SRGAP3: variants seen among roughly 807,000 people sequenced by gnomAD.
The protein encoded by SRGAP3 is SLIT-ROBO Rho GTPase activating protein 3, also known as SLIT-ROBO Rho GTPase-activating protein 3.
SRGAP3 carries 39 observed loss-of-function variants against 121.1 expected under a neutral mutation model. That is an observed-to-expected ratio of 0.32 (90% CI 0.25 to 0.42). The LOEUF is 0.42. Among genes scored for constraint, SRGAP3 ranks in the 10% least tolerant of loss-of-function variants. The pLI, the probability that SRGAP3 is intolerant of heterozygous loss-of-function variation, is 1.00. For synonymous variants in SRGAP3, 601 were observed against 570.0 expected, an observed-to-expected ratio of 1.05 and a Z score of -0.77; for missense variants, 1,213 against 1,470.6, an observed-to-expected ratio of 0.82 and a Z score of 2.86.
At chr3:9,307,976 G>A (rs1215554161) in intron 3 of SRGAP3, among the ~76,000 whole-genome samples, 6 of 152,198 alleles carry the variant, frequency 3.9e-5, no homozygotes, top group African/African-American at 7.2e-5. Context: ...CCAATATGGC[G>A]AAACCCCGTC....
intron 3 of SRGAP3, among the ~76,000 whole-genome samples, chr3:9,277,123 G>A (rs1343771961): frequency 1.3e-5 from 2 of 152,178 alleles, no homozygotes; most frequent in Non-Finnish European, 2.9e-5. Context: ...GTCAATACAT[G>A]TCATAAATGC....
chr3:9,201,152 G>A (rs1037583268), intron 1 of SRGAP3, among the ~76,000 whole-genome samples: 12 of 152,104 alleles, frequency 7.9e-5, no homozygotes, highest in African/African-American at 9.7e-5. Context: ...AGGAAGGCTC[G>A]GTGACAACAG....
At chr3:9,153,374 T>C (rs765603237) in intron 1 of SRGAP3, among the ~76,000 whole-genome samples, 1 of 152,126 alleles carries the variant, frequency 6.6e-6, no homozygotes, top group African/African-American at 2.4e-5. Context: ...AATACTATTA[T>C]CTCCATTTTA....
At chr3:9,077,813 C>T (rs1330866420) in intron 4 of SRGAP3, among the ~76,000 whole-genome samples, 1 of 152,228 alleles carries the variant, frequency 6.6e-6, no homozygotes, top group Middle Eastern at 3.2e-3. Context: ...CTGACCATCA[C>T]CTGGCCTTGT....
intron 1 of SRGAP3, among the ~76,000 whole-genome samples, chr3:9,338,623 G>A (rs1001912976): frequency 6.6e-6 from 1 of 152,154 alleles, no homozygotes; most frequent in African/African-American, 2.4e-5. Context: ...TCAGCCTCAG[G>A]TCTTCTTGAT....
In SRGAP3 at chr3:9,013,372, G is replaced by A. The variant is rs1943467447; in HGVS notation, c.2083C>T (p.Pro695Ser). ...TIIIHHEAIFPSPRELEGPVY... is the reference protein window; with the variant it reads ...TIIIHHEAIFSSPRELEGPVY... The stretch of plus-strand genomic sequence containing the variant: ...GGTCCCTCTAGCTCCCGGGGGCTGG[G>A]GAAGATGGCTTCATGATGGATGATG... The change falls in exon 17 of 22, where the codon CCC becomes TCC. Residue 695 changes from proline (P) to serine (S), a missense_variant. By Grantham distance (74) the Pro-to-Ser change is moderately conservative. This residue lies in a region of SRGAP3 where 793 missense variants were observed against 1,032.9 expected (regional missense o/e 0.77). Coordinates refer to ENST00000383836, the MANE Select transcript of SRGAP3 (RefSeq NM_014850.4). 6.2e-7 allele frequency: 1 copy of A among 1,613,982 alleles called. No individual in the cohort carries two copies.
At chr3:9,148,267 G>A (rs1398866763) in intron 1 of SRGAP3, among the ~76,000 whole-genome samples, 1 of 147,412 alleles carries the variant, frequency 6.8e-6, no homozygotes, top group Non-Finnish European at 1.5e-5. Flanking sequence ...AAACGCCCTA[G>A]AAAAACCATC....
chr3:9,099,034 C>T (rs1422249594), intron 3 of SRGAP3, among the ~76,000 whole-genome samples: 2 of 152,184 alleles, frequency 1.3e-5, no homozygotes, highest in African/African-American at 4.8e-5. Flanking sequence ...ACACTCACTC[C>T]ACTCTCTCAT....
chr3:9,011,438 G>A (rs902046260), intron 17 of SRGAP3, among the ~76,000 whole-genome samples: 2 of 152,178 alleles, frequency 1.3e-5, no homozygotes, highest in African/African-American at 4.8e-5. Flanking sequence ...TACCCAACCT[G>A]TGGAGCCTCA....
intron 18 of SRGAP3, among the ~76,000 whole-genome samples, chr3:9,001,205 T>C (rs1294405507): frequency 6.6e-6 from 1 of 152,196 alleles, no homozygotes; most frequent in Non-Finnish European, 1.5e-5. Flanking sequence ...TAATGTATTG[T>C]ATGTTCCAAA....
At chr3:9,141,553 GGTGTGTGTGTGT>G (rs3067669) in intron 1 of SRGAP3, among the ~76,000 whole-genome samples, 13,362 of 138,434 alleles carry the variant, frequency 0.097, 813 homozygotes, top group African/African-American at 0.17. Flanking sequence ...TGACTTCAGG[GGTGTGTGTGTGT>G]GTGTGTGTGT....
At chr3:9,185,472 TG>T (rs1951567028) in intron 1 of SRGAP3, among the ~76,000 whole-genome samples, 1 of 151,880 alleles carries the variant, frequency 6.6e-6, no homozygotes, top group Non-Finnish European at 1.5e-5. Flanking sequence ...ACCCCTTTGT[TG>T]GGGTGGGGGG....
chr3:9,321,782 T>C (rs948525910), intron 3 of SRGAP3, among the ~76,000 whole-genome samples: 3 of 151,418 alleles, frequency 2.0e-5, no homozygotes, highest in African/African-American at 4.8e-5. Context: ...CATGGACACA[T>C]AGAGGGGAAT....
In SRGAP3 at chr3:9,180,279, C is replaced by G. The variant is rs114332735; in HGVS notation, c.68-55362G>C. On this transcript the variant is annotated intron_variant, in intron 1 of 21. Coordinates refer to ENST00000383836, the MANE Select transcript of SRGAP3 (RefSeq NM_014850.4). ...TGCTAGGGAACTTTTAGTAGGCAGA[C>G]AGCTGCCCTCAAGACAGGCTGTTTG... Among the ~76,000 whole-genome samples, 468 of 152,336 alleles carry G rather than the reference C, an allele frequency of 3.1e-3. 2 individuals carry two copies. The highest frequency in any genetic ancestry group is 0.011 in the African/African-American group (451 of 41,580).
At chr3:9,360,455 T>C (rs951747416) in intron 1 of SRGAP3, among the ~76,000 whole-genome samples, 3 of 152,178 alleles carry the variant, frequency 2.0e-5, no homozygotes, top group East Asian at 1.9e-4. Context: ...TGGTGAGTAA[T>C]GTGTTCTATG....
intron 3 of SRGAP3, among the ~76,000 whole-genome samples, chr3:9,307,344 A>G (rs545281109): frequency 6.3e-4 from 96 of 152,326 alleles, no homozygotes; most frequent in Non-Finnish European, 1.0e-3. Flanking sequence ...GAAGGAGTTT[A>G]GCCTGTGAAC....
chr3:9,160,856 T>G (rs541531295), intron 1 of SRGAP3, among the ~76,000 whole-genome samples: 1 of 152,112 alleles, frequency 6.6e-6, no homozygotes, highest in East Asian at 1.9e-4. Context: ...ATTTTAAAAT[T>G]TAGAAAAATA....
intron 1 of SRGAP3, among the ~76,000 whole-genome samples, chr3:9,358,454 T>C (rs943788498): frequency 6.6e-6 from 1 of 152,196 alleles, no homozygotes; most frequent in African/African-American, 2.4e-5. Flanking sequence ...TCCTCTGCTC[T>C]CACACCAACA....
rs1553661450 is a variant in SRGAP3, at chr3:9,096,978, T to TAC, written c.423+7701_423+7702insGT. On this transcript the variant is annotated intron_variant, in intron 3 of 21. Coordinates refer to ENST00000383836, the MANE Select transcript of SRGAP3 (RefSeq NM_014850.4). ...ATATATATATATATATATATATATA[T>TAC]ATACACATACACACACATATATATA... is the stretch of plus-strand genomic sequence containing the variant. Among the ~76,000 whole-genome samples, 21 of 80,950 alleles carry TAC rather than the reference T, an allele frequency of 2.6e-4. 1 individual carries two copies. The highest frequency in any genetic ancestry group is 1.0e-3 in the African/African-American group (17 of 16,666). 53.1% of individuals were successfully genotyped at this position (80,950 alleles called of 152,430 possible). A position where few individuals can be genotyped will look rare whatever the true frequency, so the allele number is the denominator to read the frequency against.
Sources: gnomAD v4.1 joint callset for allele counts (sites outside exome capture counted in the v4.1 genomes callset) on GRCh38, gnomAD v4.1.1 for gene constraint, gnomAD v4.1.1 regional missense constraint, MANE v1.5 for transcripts, NCBI Gene and HGNC (gene_info 2026-07-23, HGNC 2026-07-21) for gene names.